Variants in DPP6 observed in about 807,000 individuals in gnomAD.
DPP6 encodes A-type potassium channel modulatory protein DPP6.
In DPP6, 69 loss-of-function variants were observed where a neutral mutation model predicts 122.6. The ratio of observed to expected loss-of-function variants is 0.56; its 90% CI spans 0.46 to 0.69. DPP6 has a LOEUF of 0.69. DPP6 is among the 30% of genes least tolerant of loss of function. The probability of loss-of-function intolerance (pLI) is 0.00; values close to 1 mark genes in which losing one functional copy is unlikely to be tolerated. For missense variants in DPP6, 928 were observed against 1,116.9 expected, an observed-to-expected ratio of 0.83 and a Z score of 2.41; for synonymous variants, 418 against 433.1, an observed-to-expected ratio of 0.97 and a Z score of 0.43.
At chr7:154,359,335 C>T (rs778665025) in intron 1 of DPP6, among the ~76,000 whole-genome samples, 3 of 152,148 alleles carry the variant, frequency 2.0e-5, no homozygotes, top group Non-Finnish European at 2.9e-5. Context: ...TACAGAGAAG[C>T]ACCCCTGCCC....
chr7:154,548,384 T>G (rs927735347), intron 4 of DPP6, among the ~76,000 whole-genome samples: 1 of 151,140 alleles, frequency 6.6e-6, no homozygotes, highest in Non-Finnish European at 1.5e-5. Context: ...GCCAATATGG[T>G]GACACCCCAT....
chr7:154,671,032 A>C (rs183018535), intron 7 of DPP6, among the ~76,000 whole-genome samples: 1 of 152,368 alleles, frequency 6.6e-6, no homozygotes, highest in East Asian at 1.9e-4. Flanking sequence ...ACACCAATCC[A>C]TCAGTTCAGT....
At chr7:154,299,767 A>G (rs979736052) in intron 1 of DPP6, among the ~76,000 whole-genome samples, 1 of 152,222 alleles carries the variant, frequency 6.6e-6, no homozygotes, top group African/African-American at 2.4e-5. Context: ...TCGTCTGCAC[A>G]TAGTAGGTCC....
At chr7:154,812,094 A>G (rs1292971994) in intron 16 of DPP6, among the ~76,000 whole-genome samples, 1 of 152,218 alleles carries the variant, frequency 6.6e-6, no homozygotes, top group Non-Finnish European at 1.5e-5. Context: ...ATAGGAAGGG[A>G]TGATCATCAA....
chr7:153,790,628 A>G, the DPP6 span, among the ~76,000 whole-genome samples: 2 of 152,192 alleles, frequency 1.3e-5, no homozygotes, highest in Admixed American at 6.5e-5. Context: ...GTTGATACTG[A>G]CATTAGTCCT....
intron 1 of DPP6, among the ~76,000 whole-genome samples, chr7:154,193,344 G>T (rs1434077933): frequency 1.3e-5 from 2 of 152,198 alleles, no homozygotes; most frequent in Non-Finnish European, 2.9e-5. Flanking sequence ...CCCTTCTCTA[G>T]ATATCTGTCA....
intron 1 of DPP6, among the ~76,000 whole-genome samples, chr7:154,148,314 A>G (rs1314834142): frequency 6.9e-6 from 1 of 144,006 alleles, no homozygotes; most frequent in Non-Finnish European, 1.5e-5. Flanking sequence ...CTCTCTGCAC[A>G]TGTTTGCTGG....
At chr7:154,397,182 AAAT>A (rs1432739236) in intron 1 of DPP6, among the ~76,000 whole-genome samples, 3 of 150,736 alleles carry the variant, frequency 2.0e-5, no homozygotes, top group African/African-American at 7.3e-5. Flanking sequence ...AGATTATTTT[AAAT>A]AATATAAAAT....
the DPP6 span, among the ~76,000 whole-genome samples, chr7:153,855,764 G>A: frequency 0.096 from 14,621 of 152,096 alleles, 872 homozygotes; most frequent in African/African-American, 0.17. Flanking sequence ...CTCAAGGTCA[G>A]ACAGAGGTGA....
At chr7:153,899,121 T>TC (rs1554484264) in intron 1 of DPP6, among the ~76,000 whole-genome samples, 1 of 151,752 alleles carries the variant, frequency 6.6e-6, no homozygotes, top group South Asian at 2.1e-4. Context: ...CTTCACTCTC[T>TC]CTCCTCCTCC....
intron 5 of DPP6, among the ~76,000 whole-genome samples, chr7:154,574,227 T>C (rs1278151534): frequency 6.6e-6 from 1 of 150,482 alleles, no homozygotes; most frequent in African/African-American, 2.4e-5. Context: ...GTGTGTGGCG[T>C]GTGTGTGGTG....
At chr7:154,129,830 G>A (rs1808225859) in intron 1 of DPP6, among the ~76,000 whole-genome samples, 2 of 151,966 alleles carry the variant, frequency 1.3e-5, no homozygotes, top group African/African-American at 4.8e-5. Flanking sequence ...AACCCAGGAG[G>A]CAGAGCTTGC....
intron 6 of DPP6, among the ~76,000 whole-genome samples, chr7:154,659,947 A>G (rs1837510846): frequency 6.6e-6 from 1 of 152,222 alleles, no homozygotes; most frequent in African/African-American, 2.4e-5. Context: ...TATTGTCCCC[A>G]TAGGAGAAAA....
chr7:154,238,105 T>A (rs1801337977), intron 1 of DPP6, among the ~76,000 whole-genome samples: 1 of 152,208 alleles, frequency 6.6e-6, no homozygotes, highest in Non-Finnish European at 1.5e-5. Context: ...GATGTGTTAT[T>A]TGGTATTTTT....
rs758879109 is a variant in DPP6, at chr7:154,803,995, A to G, written c.1499+40A>G. ...GGGGCCTGCCCCATCTTACTGGCCA[A>G]TGGGGCACATTTGTTATTTTTTGTC... On this transcript the variant is annotated intron_variant, in intron 14 of 25. Transcript: ENST00000377770. 1.7e-5 allele frequency: 28 copies of G among 1,600,292 alleles called. 2 individuals are homozygous for G. In the South Asian group the frequency reaches 2.7e-4, roughly 15 times the overall value.
At position 154,607,588 on chromosome 7, in the gene DPP6, AG is replaced by A. The variant is rs1477770217; in HGVS notation, c.628-30231del. Among the ~76,000 whole-genome samples, 4 of 107,030 alleles carry A rather than the reference AG, an allele frequency of 3.7e-5. 1 individual carries two copies. The highest frequency in any genetic ancestry group is 1.2e-4 in the African/African-American group (4 of 33,978). The allele number at this position is 107,030 out of a possible 152,430, so 70.2% of individuals were successfully genotyped here. A position where few individuals can be genotyped will look rare whatever the true frequency, so the allele number is the denominator to read the frequency against. On this transcript the variant is annotated intron_variant, in intron 5 of 25. Transcript: ENST00000377770. Reference sequence around the variant, plus strand: ...AAAAAAAAAAAAAAAAAAAAAAAAAAGGAAAGAAAAAGTTGAATTGCTTGAT... The same window carrying A: ...AAAAAAAAAAAAAAAAAAAAAAAAAAGAAAGAAAAAGTTGAATTGCTTGAT...
intron 6 of DPP6, among the ~76,000 whole-genome samples, chr7:154,644,956 C>A (rs1836354018): frequency 6.6e-6 from 1 of 152,052 alleles, no homozygotes; most frequent in Non-Finnish European, 1.5e-5. Flanking sequence ...GGCAATCCAC[C>A]CGCCTTGGCC....
chr7:153,973,369 C>T (rs567693300), intron 1 of DPP6, among the ~76,000 whole-genome samples: 26 of 152,302 alleles, frequency 1.7e-4, no homozygotes, highest in African/African-American at 4.6e-4. Context: ...AGCCGTTGTC[C>T]GACCTGAATC....
chr7:154,061,355 G>A (rs369302847), intron 1 of DPP6, among the ~76,000 whole-genome samples: 3,105 of 126,992 alleles, frequency 0.024, no homozygotes, highest in South Asian at 0.045. Context: ...CATTGTATGC[G>A]TCAGAGAGAG....
Sources: gnomAD v4.1 joint callset for allele counts (sites outside exome capture counted in the v4.1 genomes callset) on GRCh38, gnomAD v4.1.1 for gene constraint, MANE v1.5 for transcripts, NCBI Gene and HGNC (gene_info 2026-07-23, HGNC 2026-07-21) for gene names.